SAV1: variants seen among roughly 807,000 people sequenced by gnomAD.
The protein encoded by SAV1 is salvador family WW domain containing protein 1.
A neutral mutation model predicts 47.3 loss-of-function variants in SAV1; 23 were observed. That is an observed-to-expected ratio of 0.49 (90% CI 0.35 to 0.69). The LOEUF is 0.69. SAV1 is among the 30% of genes least tolerant of loss of function. SAV1 has a pLI of 0.01. For missense variants in SAV1, 448 were observed against 457.4 expected (o/e 0.98, Z 0.19); for synonymous variants, 155 against 159.2 (o/e 0.97, Z 0.20).
intron 2 of SAV1, among the ~76,000 whole-genome samples, chr14:50,646,685 C>CA (rs78772724): frequency 0.34 from 25,871 of 75,956 alleles, 3,599 homozygotes; most frequent in African/African-American, 0.41. Flanking sequence ...AACTCTGTCT[C>CA]AAAAAAAAAA....
At chr14:50,657,901 A>AT (rs1267668087) in intron 2 of SAV1, among the ~76,000 whole-genome samples, 1 of 152,208 alleles carries the variant, frequency 6.6e-6, no homozygotes, top group East Asian at 1.9e-4. Context: ...CCAGGCAGAT[A>AT]TTTATGAGAT....
intron 2 of SAV1, among the ~76,000 whole-genome samples, chr14:50,646,198 T>C (rs1488247005): frequency 6.6e-6 from 1 of 152,274 alleles, no homozygotes; most frequent in South Asian, 2.1e-4. Context: ...GTTTAACTTA[T>C]AAATTAGGCA....
At chr14:50,662,268 A>C (rs574660196) in intron 2 of SAV1, among the ~76,000 whole-genome samples, 10 of 152,296 alleles carry the variant, frequency 6.6e-5, no homozygotes, top group African/African-American at 2.2e-4. Flanking sequence ...TCCCGGGTTC[A>C]CACCATTCTC....
Position 50,640,799 on chromosome 14 carries a change from T to C in SAV1, c.901A>G (p.Thr301Ala), listed in dbSNP as rs1273525234. The change falls in exon 4 of 5, where the codon ACT becomes GCT. Residue 301 changes from threonine (T) to alanine (A), a missense_variant. Transcript: ENST00000324679. ...TGAAGCCAGTCAGGAATTTCTGCAG[T>C]ATGATATGGATTTGCAGGTACCAGA... ...SLLVPANPYH[T>A]AEIPDWLQVY... is the part of the protein sequence containing the mutation. 6.2e-7 allele frequency: 1 copy of C among 1,613,988 alleles called. No individual in the cohort carries two copies. The highest frequency in any genetic ancestry group is 8.5e-7 in the Non-Finnish European group (1 of 1,179,942).
intron 2 of SAV1, among the ~76,000 whole-genome samples, chr14:50,646,476 C>T (rs555942005): frequency 7.9e-5 from 12 of 152,074 alleles, no homozygotes; most frequent in African/African-American, 1.4e-4. Flanking sequence ...ACCTGAGGTC[C>T]GGAGTTTGAG....
intron 2 of SAV1, among the ~76,000 whole-genome samples, chr14:50,647,647 G>C (rs957862937): frequency 2.0e-5 from 3 of 152,030 alleles, no homozygotes; most frequent in African/African-American, 7.2e-5. Flanking sequence ...GCACTTCACC[G>C]AAGACAACAT....
chr14:50,634,260 C>A lies in SAV1; in HGVS notation c.*923G>T. ...TAAGTATTCCTGCTTATATGTATTC[C>A]TGAAAGATTAAAAGGCCCGTCACCC... On this transcript the variant is annotated 3_prime_UTR_variant, in exon 5 of 5. Coordinates refer to ENST00000324679, the MANE Select transcript of SAV1 (RefSeq NM_021818.4). 1 of 406,712 alleles carries A rather than the reference C, an allele frequency of 2.5e-6. No homozygotes were observed. Among genetic ancestry groups the A allele is most frequent in the South Asian group, 1.8e-5 (1 of 57,108 alleles). 25.2% of individuals were successfully genotyped at this position (406,712 alleles called of 1,614,324 possible). A position where few individuals can be genotyped will look rare whatever the true frequency, so the allele number is the denominator to read the frequency against.
intron 2 of SAV1, among the ~76,000 whole-genome samples, chr14:50,647,082 T>C (rs1315103162): frequency 3.9e-5 from 6 of 152,178 alleles, no homozygotes. Context: ...CCTGCCACCT[T>C]ACATACAAAT....
intron 4 of SAV1, among the ~76,000 whole-genome samples, chr14:50,640,025 C>T (rs2039668924): frequency 6.6e-6 from 1 of 152,156 alleles, no homozygotes; most frequent in African/African-American, 2.4e-5. Context: ...GCTCTGTCAC[C>T]CAGGCTGGAG....
At chr14:50,667,580 C>A in intron 1 of SAV1, 1 of 501,914 alleles carries the variant, frequency 2.0e-6, no homozygotes, top group Admixed American at 2.7e-5. Context: ...ATGTTTCCTA[C>A]TCTCTCTTCC....
At chr14:50,639,626 G>T (rs977116343) in intron 4 of SAV1, among the ~76,000 whole-genome samples, 6 of 152,130 alleles carry the variant, frequency 3.9e-5, no homozygotes, top group African/African-American at 1.4e-4. Context: ...AATTCAAAAA[G>T]ACTATAATCT....
At chr14:50,640,148 T>C (rs2039669755) in intron 4 of SAV1, among the ~76,000 whole-genome samples, 2 of 152,086 alleles carry the variant, frequency 1.3e-5, no homozygotes, top group Non-Finnish European at 2.9e-5. Flanking sequence ...AGCATGCTGC[T>C]AATTTTTAAA....
intron 2 of SAV1, among the ~76,000 whole-genome samples, chr14:50,656,390 A>G (rs2039812282): frequency 6.6e-6 from 1 of 152,122 alleles, no homozygotes; most frequent in African/African-American, 2.4e-5. Flanking sequence ...CATGATTCCT[A>G]AACTTTCTTA....
Position 50,635,155 on chromosome 14 carries a change from AC to A in SAV1, c.*27del. The stretch of plus-strand genomic sequence containing the variant: ...TCTGTGAAAATATTTTAAAGCTCTT[AC>A]AAAACTTAAATTTTTAAAAAATCAG... On this transcript the variant is annotated 3_prime_UTR_variant, in exon 5 of 5. Transcript: ENST00000324679. The A allele has an allele frequency of 6.3e-7, 1 of 1,580,324 alleles. No homozygotes were observed.
chr14:50,642,392 G>A (rs2039687616), intron 3 of SAV1, among the ~76,000 whole-genome samples: 1 of 151,952 alleles, frequency 6.6e-6, no homozygotes, highest in Non-Finnish European at 1.5e-5. Context: ...GGAAGGCTGA[G>A]GCAGGAGAAT....
chr14:50,663,085 T>C (rs908198583), intron 2 of SAV1: 15 of 152,294 alleles, frequency 9.8e-5, no homozygotes, highest in Admixed American at 9.2e-4. Context: ...CCACTGAATA[T>C]GCACCAAATG....
intron 3 of SAV1, among the ~76,000 whole-genome samples, chr14:50,643,487 T>TG (rs1448629166): frequency 6.6e-6 from 1 of 152,102 alleles, no homozygotes; most frequent in Non-Finnish European, 1.5e-5. Flanking sequence ...CAGAACAACA[T>TG]GGGGGAAATG....
At chr14:50,654,679 A>G (rs1219758013) in intron 2 of SAV1, among the ~76,000 whole-genome samples, 1 of 152,224 alleles carries the variant, frequency 6.6e-6, no homozygotes, top group Non-Finnish European at 1.5e-5. Flanking sequence ...GCGAAACACA[A>G]TAGAGCAAAG....
chr14:50,665,581 G>T lies in SAV1; in HGVS notation c.133C>A (p.Pro45Thr), dbSNP rs1347347384. 6.2e-7 allele frequency: 1 copy of T among 1,613,088 alleles called. No individual in the cohort carries two copies. Among genetic ancestry groups the T allele is most frequent in the Admixed American group, 1.7e-5 (1 of 59,928 alleles). ...PSFIRHGPTI[P>T]RRTDICLPDS... ...GGAAGACAGATATCAGTTCGTCTTG[G>T]AATTGTTGGACCATGCCGGATGAAT... Residue 45 changes from proline to threonine, a missense_variant, in exon 2 of 5, where the codon CCA (proline) becomes ACA (threonine). Pro to Thr is a conservative substitution (Grantham distance 38). Coordinates refer to ENST00000324679, the MANE Select transcript of SAV1 (RefSeq NM_021818.4).
Sources: gnomAD v4.1 joint callset for allele counts (sites outside exome capture counted in the v4.1 genomes callset) on GRCh38, gnomAD v4.1.1 for gene constraint, MANE v1.5 for transcripts, NCBI Gene and HGNC (gene_info 2026-07-23, HGNC 2026-07-21) for gene names.